The following PYGO1 variants were observed in gnomAD, a reference collection of about 807,000 sequenced individuals.
PYGO1 encodes the protein pygopus homolog 1.
In PYGO1, 6 loss-of-function variants were observed where a neutral mutation model predicts 29.5. The ratio of observed to expected loss-of-function variants is 0.20; its 90% CI spans 0.11 to 0.40. PYGO1 has a LOEUF of 0.40. Among genes scored for constraint, PYGO1 ranks in the 10% least tolerant of loss-of-function variants. The pLI is 1.00. For missense variants in PYGO1, 515 were observed against 514.9 expected (o/e 1.00, Z 0.00); for synonymous variants, 186 against 180.5 (o/e 1.03, Z -0.24).
At position 55,565,977 on chromosome 15, in the gene PYGO1, T is replaced by C. The variant is rs562404867; in HGVS notation, c.50-16982A>G. Reference sequence around the variant, plus strand: ...TTGTATTTTTAGTAGAGACAGCGGTTCTACCATGTTGGCCAAGTTGGTCTC... The same window carrying C: ...TTGTATTTTTAGTAGAGACAGCGGTCCTACCATGTTGGCCAAGTTGGTCTC... On this transcript the variant is annotated intron_variant, in intron 1 of 2. Coordinates refer to ENST00000563719, the MANE Select transcript of PYGO1 (RefSeq NM_001367806.1). Among the ~76,000 whole-genome samples, 24 of 152,306 alleles carry C rather than the reference T, an allele frequency of 1.6e-4. No individual in the cohort carries two copies. The South Asian group carries it at 5.0e-3, about 32-fold the overall frequency.
At chr15:55,555,742 AT>A (rs1156780882) in intron 1 of PYGO1, among the ~76,000 whole-genome samples, 1 of 152,192 alleles carries the variant, frequency 6.6e-6, no homozygotes, top group Non-Finnish European at 1.5e-5. Context: ...GGCAAGCTGG[AT>A]AAAGAGTTAA....
chr15:55,548,560 G>T (rs1170588659), intron 2 of PYGO1, among the ~76,000 whole-genome samples: 1 of 151,304 alleles, frequency 6.6e-6, no homozygotes, highest in Non-Finnish European at 1.5e-5. Context: ...ACAAAAATTA[G>T]CTGGGCATGG....
rs1222929357 is a variant in PYGO1, at chr15:55,546,115, A to G, written c.1168T>C (p.Trp390Arg). The change falls in exon 3 of 3, where the codon TGG becomes CGG. Residue 390 changes from tryptophan to arginine, a missense_variant. Physicochemically the swap from Trp to Arg is moderately radical, Grantham distance 101. Coordinates refer to ENST00000563719, the MANE Select transcript of PYGO1 (RefSeq NM_001367806.1). ...TCAGCCATACAGGTATCACAGCCCC[A>G]TACTGCAGATGCTTCTGCAGTTAAG... ...GLLTAEASAV[W>R]GCDTCMADKD... 2 of 1,614,098 alleles carry G rather than the reference A, an allele frequency of 1.2e-6. No individual in the cohort carries two copies. The highest frequency in any genetic ancestry group is 2.2e-5 in the South Asian group (2 of 91,084).
intron 1 of PYGO1, among the ~76,000 whole-genome samples, chr15:55,553,777 C>G (rs1432355743): frequency 6.6e-6 from 1 of 152,028 alleles, no homozygotes; most frequent in African/African-American, 2.4e-5. Flanking sequence ...CTCAAGCCAG[C>G]AATAGGTCAG....
Position 55,539,574 on chromosome 15 carries a change from T to C in PYGO1, c.*6449A>G, listed in dbSNP as rs573262186. On this transcript the variant is annotated 3_prime_UTR_variant, in exon 3 of 3. Coordinates refer to ENST00000563719, the MANE Select transcript of PYGO1 (RefSeq NM_001367806.1). ...AGAAACAGACTCAGTTCTAAAAGAA[T>C]GTATGTGAAAATAGCAGACAAAAAT... is the stretch of plus-strand genomic sequence containing the variant. The C allele has an allele frequency of 1.3e-5, 2 of 152,074 alleles. No individual in the cohort carries two copies. The highest frequency in any genetic ancestry group is 1.3e-4 in the Admixed American group (2 of 15,264). The allele number at this position is 152,074 out of a possible 1,614,324, so 9.4% of individuals were successfully genotyped here.
Position 55,563,000 on chromosome 15 carries a change from C to T in PYGO1, c.50-14005G>A, listed in dbSNP as rs140850577. On this transcript the variant is annotated intron_variant, in intron 1 of 2. Coordinates refer to ENST00000563719, the MANE Select transcript of PYGO1 (RefSeq NM_001367806.1). Reference sequence around the variant, plus strand: ...ACACACTGGGGCCTGTCGGGGGGAGCGGGAGGGAGAGCATCGTGACCTTGA... The same window carrying T: ...ACACACTGGGGCCTGTCGGGGGGAGTGGGAGGGAGAGCATCGTGACCTTGA... Among the ~76,000 whole-genome samples, 514 of 151,778 alleles carry T rather than the reference C, an allele frequency of 3.4e-3. 1 individual carries two copies. Among genetic ancestry groups the T allele is most frequent in the Middle Eastern group, 6.8e-3 (2 of 294 alleles).
At chr15:55,568,741 CTTA>C (rs1191687747) in intron 1 of PYGO1, among the ~76,000 whole-genome samples, 1 of 151,798 alleles carries the variant, frequency 6.6e-6, no homozygotes, top group Non-Finnish European at 1.5e-5. Flanking sequence ...ATAGAGGGCT[CTTA>C]TTATTTGGAA....
At position 55,543,176 on chromosome 15, in the gene PYGO1, T is replaced by G. The variant is rs1022919527; in HGVS notation, c.*2847A>C. 1 of 152,112 alleles carries G rather than the reference T, an allele frequency of 6.6e-6. No homozygotes were observed. The highest frequency in any genetic ancestry group is 2.4e-5 in the African/African-American group (1 of 41,424). The allele number at this position is 152,112 out of a possible 1,614,324, so 9.4% of individuals were successfully genotyped here. On this transcript the variant is annotated 3_prime_UTR_variant, in exon 3 of 3. Transcript: ENST00000563719. ...TTCCACCTGTGTTTTTTTCCATCAC[T>G]GCATATTTTTAAAGTTGAAGGCAGC...
intron 1 of PYGO1, among the ~76,000 whole-genome samples, chr15:55,562,716 T>C (rs1292786568): frequency 6.6e-6 from 1 of 151,538 alleles, no homozygotes; most frequent in African/African-American, 2.4e-5. Flanking sequence ...TGCAGCACTA[T>C]TCACAACAAC....
upstream of PYGO1, among the ~76,000 whole-genome samples, chr15:55,588,641 G>T (rs956630750): frequency 6.6e-6 from 1 of 150,852 alleles, no homozygotes; most frequent in African/African-American, 2.4e-5. Flanking sequence ...CCCGCCCCGC[G>T]CCCGGCGCTC....
Position 55,550,126 on chromosome 15 carries a change from G to T in PYGO1, c.50-1131C>A, listed in dbSNP as rs1031487472. ...TATCTGTATGGTTTGTTTAGATTGG[G>T]ATCCAAATATGTTCCATAGATTACA... On this transcript the variant is annotated intron_variant, in intron 1 of 2. Coordinates refer to ENST00000563719, the MANE Select transcript of PYGO1 (RefSeq NM_001367806.1). Among the ~76,000 whole-genome samples, 4 of 152,166 alleles carry T rather than the reference G, an allele frequency of 2.6e-5. No homozygotes were observed. The East Asian group carries it at 7.7e-4, about 29-fold the overall frequency.
intron 1 of PYGO1, among the ~76,000 whole-genome samples, chr15:55,577,765 CTTT>C (rs71105898): frequency 1.7e-5 from 2 of 120,744 alleles, no homozygotes; most frequent in Non-Finnish European, 1.7e-5. Flanking sequence ...TACTAATCTA[CTTT>C]TTTTTTTTTT....
At chr15:55,552,836 A>G (rs11630020) in intron 1 of PYGO1, among the ~76,000 whole-genome samples, 8,313 of 152,190 alleles carry the variant, frequency 0.055, 283 homozygotes, top group Middle Eastern at 0.068. Context: ...TGCAAGGCAA[A>G]AGATCCACCC....
chr15:55,577,034 C>T (rs1476969325), intron 1 of PYGO1, among the ~76,000 whole-genome samples: 2 of 151,892 alleles, frequency 1.3e-5, no homozygotes, highest in Non-Finnish European at 2.9e-5. Flanking sequence ...ACCTCCCTCA[C>T]GATTTGCTCA....
rs1478525681 is a variant in PYGO1, at chr15:55,547,085, T to C, written c.198A>G (p.Leu66=). ...TGTCATCAAATGGATTAGCAGCCAC[T>C]AGATGGTCAGAGTTTGGATTCGGTG... ...APPPNPNSDH[L]VAANPFDDNY... is the part of the protein sequence containing the mutation. The change falls in exon 3 of 3, where the codon CTA becomes CTG. Residue 66 remains leucine, a synonymous_variant. Transcript: ENST00000563719. The C allele has an allele frequency of 5.0e-6, 8 of 1,612,204 alleles. No individual in the cohort carries two copies. Among genetic ancestry groups the C allele is most frequent in the Non-Finnish European group, 5.9e-6 (7 of 1,179,182 alleles).
intron 1 of PYGO1, 81 bp downstream of exon 1, chr15:55,587,754 A>G: frequency 2.8e-6 from 4 of 1,425,834 alleles, no homozygotes; most frequent in Middle Eastern, 1.8e-4. Flanking sequence ...ACAGAGCCCC[A>G]TGGCCTCCCG....
At chr15:55,585,368 C>A (rs896812582) in intron 1 of PYGO1, among the ~76,000 whole-genome samples, 1 of 152,088 alleles carries the variant, frequency 6.6e-6, no homozygotes, top group South Asian at 2.1e-4. Context: ...TTATGCCCTG[C>A]AAACACCACA....
chr15:55,567,977 T>C (rs1191555990), intron 1 of PYGO1, among the ~76,000 whole-genome samples: 1 of 152,350 alleles, frequency 6.6e-6, no homozygotes, highest in Non-Finnish European at 1.5e-5. Flanking sequence ...CTGTTTTTGA[T>C]ACTGCTGCCT....
chr15:55,569,674 C>T (rs1198822923), intron 1 of PYGO1, among the ~76,000 whole-genome samples: 5 of 152,070 alleles, frequency 3.3e-5, no homozygotes, highest in Non-Finnish European at 5.9e-5. Context: ...GGTAGGATTT[C>T]AATTTTTTTG....
Sources: gnomAD v4.1 joint callset for allele counts (sites outside exome capture counted in the v4.1 genomes callset) on GRCh38, gnomAD v4.1.1 for gene constraint, MANE v1.5 for transcripts, NCBI Gene and HGNC (gene_info 2026-07-23, HGNC 2026-07-21) for gene names.